Variants in HSP90AA1 observed in about 807,000 individuals in gnomAD.
HSP90AA1 encodes heat shock protein HSP 90-alpha.
In HSP90AA1, 18 loss-of-function variants were observed where a neutral mutation model predicts 73.3. That is an observed-to-expected ratio of 0.25 (90% confidence interval 0.17 to 0.36). HSP90AA1 has a LOEUF of 0.36. Among genes scored for constraint, HSP90AA1 ranks in the 10% least tolerant of loss-of-function variants. The pLI, the probability that HSP90AA1 is intolerant of heterozygous loss-of-function variation, is 1.00. For synonymous variants in HSP90AA1, 477 were observed against 296.9 expected (o/e 1.61, Z -6.24); for missense variants, 704 against 874.2 (o/e 0.81, Z 2.45).
At chr14:102,098,244 C>T (rs2049449533) in intron 2 of HSP90AA1, among the ~76,000 whole-genome samples, 1 of 152,032 alleles carries the variant, frequency 6.6e-6, no homozygotes, top group Admixed American at 6.6e-5. Context: ...TCACTACAAC[C>T]TCCGCCTCCC....
At chr14:102,104,040 CAAAA>C (rs751778522) in intron 1 of HSP90AA1, among the ~76,000 whole-genome samples, 1 of 77,518 alleles carries the variant, frequency 1.3e-5, no homozygotes, top group Non-Finnish European at 2.7e-5. Context: ...AATTCTGTCT[CAAAA>C]AAAAAAAAAA....
chr14:102,086,641 C>T (rs1423351200), intron 1 of HSP90AA1, among the ~76,000 whole-genome samples: 1 of 151,308 alleles, frequency 6.6e-6, no homozygotes, highest in African/African-American at 2.4e-5. Context: ...CCCGGGTGCC[C>T]TCCCGCGCGG....
At chr14:102,103,080 C>T in intron 1 of HSP90AA1, among the ~76,000 whole-genome samples, 1 of 149,902 alleles carries the variant, frequency 6.7e-6, no homozygotes, top group Non-Finnish European at 1.5e-5. Context: ...ACTCAGGAGG[C>T]TGAGGCACAA....
chr14:102,086,422 C>T (rs34721798), intron 1 of HSP90AA1, 44 bp from the exon 2 acceptor site: 1 of 1,608,730 alleles, frequency 6.2e-7, no homozygotes, highest in Non-Finnish European at 8.5e-7. Flanking sequence ...AGGACGTCTA[C>T]AGAGGCAACA....
In HSP90AA1 at chr14:102,083,826, C is replaced by T. The variant is rs930155216; in HGVS notation, c.1305G>A (p.Lys435=). ...TELAEDKENY[K]KFYEQFSKNI... ...TTTTAGAGAACTGCTCATAGAATTT[C>T]TTGTAGTTCTCTTTATCTTCCGCCA... The change falls in exon 7 of 11, where the codon AAG becomes AAA. Residue 435 remains lysine (K), a synonymous_variant. Coordinates refer to ENST00000216281, the MANE Select transcript of HSP90AA1 (RefSeq NM_005348.4). 8 of 1,612,786 alleles carry T rather than the reference C, an allele frequency of 5.0e-6. No homozygotes were observed. In the Admixed American group the frequency reaches 5.0e-5, roughly 10 times the overall value.
chr14:102,083,418 A>G (rs2049142798), intron 8 of HSP90AA1, 116 bp from the exon 9 acceptor site: 2 of 1,423,626 alleles, frequency 1.4e-6, no homozygotes, highest in South Asian at 1.2e-5. Flanking sequence ...AAAATGACCT[A>G]GTTCATGTTA....
chr14:102,101,805 T>A, intron 2 of HSP90AA1: 2 of 1,244,680 alleles, frequency 1.6e-6, no homozygotes, highest in South Asian at 1.2e-5. Flanking sequence ...CAACCACCGG[T>A]TGGTTGGATG....
chr14:102,082,970 T>G (rs777104966), intron 9 of HSP90AA1, 64 bp downstream of exon 9: 2 of 1,498,400 alleles, frequency 1.3e-6, no homozygotes, highest in African/African-American at 2.8e-5. Flanking sequence ...AAATGGGCTA[T>G]GTATGACTAA....
chr14:102,102,813 A>C (rs1462905889), intron 1 of HSP90AA1, among the ~76,000 whole-genome samples: 1 of 152,130 alleles, frequency 6.6e-6, no homozygotes, highest in Non-Finnish European at 1.5e-5. Context: ...AGGGGAGTGC[A>C]TTGCTTAAGC....
Position 102,081,151 on chromosome 14 carries a change from C to T in HSP90AA1, c.*561G>A, listed in dbSNP as rs35754658. Reference sequence around the variant, plus strand: ...TCTGAGTTATTTTTGAACAGCTTTACGATATGCTTAGGTAGGCTTTTAACT... The same window carrying T: ...TCTGAGTTATTTTTGAACAGCTTTATGATATGCTTAGGTAGGCTTTTAACT... On this transcript the variant is annotated 3_prime_UTR_variant, in exon 11 of 11. Transcript: ENST00000216281. The T allele has an allele frequency of 4.1e-4, 94 of 231,844 alleles. No individual in the cohort carries two copies. The highest frequency in any genetic ancestry group is 1.8e-3 in the African/African-American group (80 of 45,010). The allele number at this position is 231,844 out of a possible 1,614,324, so 14.4% of individuals were successfully genotyped here.
At chr14:102,093,208 A>G (rs2049381270) in intron 2 of HSP90AA1, among the ~76,000 whole-genome samples, 1 of 148,666 alleles carries the variant, frequency 6.7e-6, no homozygotes, top group Non-Finnish European at 1.5e-5. Context: ...AAATATATAT[A>G]TATATATTTA....
chr14:102,134,066 G>C (rs2049945047), intron 1 of HSP90AA1, among the ~76,000 whole-genome samples: 2 of 151,428 alleles, frequency 1.3e-5, no homozygotes, highest in Admixed American at 1.3e-4. Context: ...CAGGAGAATT[G>C]CTTCAACCTG....
At chr14:102,123,294 G>A (rs554885074) in intron 1 of HSP90AA1, among the ~76,000 whole-genome samples, 1 of 152,088 alleles carries the variant, frequency 6.6e-6, no homozygotes, top group South Asian at 2.1e-4. Flanking sequence ...TACTTGAGAG[G>A]GTTAGGCAGA....
intron 1 of HSP90AA1, among the ~76,000 whole-genome samples, chr14:102,106,701 G>A (rs559470299): frequency 1.1e-3 from 173 of 151,768 alleles, no homozygotes; most frequent in Non-Finnish European, 2.1e-3. Context: ...CTGCCACTAC[G>A]CCCAGCTGAG....
rs78339976 is a variant in HSP90AA1 at position 102,123,399 on chromosome 14, A to G, written c.155+15851T>C. Reference sequence around the variant, plus strand: ...CGAGACTCGGTCTAAAAAAAGAAAGACAAAAAACAAAAACAAAAACAAAAA... The same window carrying G: ...CGAGACTCGGTCTAAAAAAAGAAAGGCAAAAAACAAAAACAAAAACAAAAA... On this transcript the variant is annotated intron_variant, in intron 1 of 11. Transcript: ENST00000334701. Among the ~76,000 whole-genome samples the G allele has an allele frequency of 1.5e-3, 234 of 152,280 alleles. 6 individuals carry two copies. The East Asian group carries it at 0.04, about 26-fold the overall frequency.
At chr14:102,139,739 C>A, upstream of HSP90AA1, 2 of 890,452 alleles carry the variant, frequency 2.2e-6, no homozygotes, top group Non-Finnish European at 3.3e-6. Context: ...GGTGAGCACG[C>A]CTGCGCAGTC....
rs987327757 is a variant in HSP90AA1 at position 102,133,042 on chromosome 14, G to A, written c.155+6208C>T. 5.9e-5 allele frequency among the ~76,000 whole-genome samples: 9 copies of A among 152,140 alleles called. No homozygotes were observed. The East Asian group carries it at 1.3e-3, about 23-fold the overall frequency. On this transcript the variant is annotated intron_variant, in intron 1 of 11. Coordinates refer to the HSP90AA1 transcript ENST00000334701. Reference sequence around the variant, plus strand: ...CGCCTGTAATCCCAGCACTTTGGGAGGCCAAGGCAGGTAGATCACCTGAGG... The same window carrying A: ...CGCCTGTAATCCCAGCACTTTGGGAAGCCAAGGCAGGTAGATCACCTGAGG...
chr14:102,083,554 T>C lies in HSP90AA1; in HGVS notation c.1478A>G (p.Tyr493Cys), dbSNP rs2049146792. The C allele has an allele frequency of 6.2e-7, 1 of 1,613,584 alleles. No individual in the cohort carries two copies. Among genetic ancestry groups the C allele is most frequent in the Non-Finnish European group, 8.5e-7 (1 of 1,179,752 alleles). Residue 493 changes from tyrosine (Y) to cysteine (C), a missense_variant, in exon 8 of 11, where the codon TAT (tyrosine) becomes TGT (cysteine). Physicochemically the swap from Tyr to Cys is radical, Grantham distance 194. Transcript: ENST00000216281. ...RMKENQKHIYYITGETKDQVA... is the reference protein window; with the variant it reads ...RMKENQKHIYCITGETKDQVA... ...ACATAGTGTTCTCTTACCTGTGATA[T>C]AATAGATATGTTTCTGGTTCTCCTT...
Position 102,086,280 on chromosome 14 carries a change from G to A in HSP90AA1, c.99C>T (p.Ile33=), listed in dbSNP as rs765146029. Reference sequence around the variant, plus strand: ...CTTTGTTCGAGTAGAAAGTATTGATGATCAATGACATCAACTGGGCAATTT... The same window carrying A: ...CTTTGTTCGAGTAGAAAGTATTGATAATCAATGACATCAACTGGGCAATTT... ...QAEIAQLMSL[I]INTFYSNKEI... is the part of the protein sequence containing the mutation. Residue 33 remains isoleucine, a synonymous_variant, in exon 2 of 11, where the codon ATC becomes ATT. Transcript: ENST00000216281. 9 of 1,613,920 alleles carry A rather than the reference G, an allele frequency of 5.6e-6. No individual in the cohort carries two copies. Among genetic ancestry groups the A allele is most frequent in the African/African-American group, 2.7e-5 (2 of 74,920 alleles).
Sources: allele counts gnomAD v4.1 joint callset (sites outside exome capture counted in the v4.1 genomes callset), GRCh38; gene constraint gnomAD v4.1.1; transcripts MANE v1.5; gene names NCBI Gene and HGNC (gene_info 2026-07-23, HGNC 2026-07-21).